Variants in OR51B4 observed in about 807,000 individuals in gnomAD.
OR51B4 encodes the protein olfactory receptor family 51 subfamily B member 4.
For missense variants in OR51B4, 402 were observed against 379.8 expected, an observed-to-expected ratio of 1.06 and a Z score of -0.49; for synonymous variants, 147 against 140.8, an observed-to-expected ratio of 1.04 and a Z score of -0.31.
chr11:5,301,374 A>C lies in OR51B4; in HGVS notation c.573T>G (p.Phe191Leu), dbSNP rs765205840. 3.1e-6 allele frequency: 5 copies of C among 1,613,994 alleles called. No homozygotes were observed. Among genetic ancestry groups the C allele is most frequent in the Non-Finnish European group, 4.2e-6 (5 of 1,179,996 alleles). ...VIKLACADIT[F>L]NHIYPIIQTS... is the part of the protein sequence containing the mutation. ...TCTGAATAATTGGATATATGTGATT[A>C]AACGTGATATCAGCACAGGCGAGTT... is the stretch of plus-strand genomic sequence containing the variant. The change falls in exon 1 of 1, where the codon TTT (phenylalanine) becomes TTG (leucine). Residue 191 changes from phenylalanine to leucine, a missense_variant. Physicochemically the swap from Phe to Leu is conservative, Grantham distance 22. Transcript: ENST00000380224.
rs1264616803 is a variant in OR51B4, at chr11:5,301,169, TG to T, written c.777del (p.His259GlnfsTer15). On this transcript the variant is annotated frameshift_variant, in exon 1 of 1. Transcript: ENST00000380224. LOFTEE classifies it low-confidence loss of function (END_TRUNC). ...ACATGAGGTGCATGTTTCCCAAACCTGTGAATGAATGACAGTCCCATCACAG... is the reference window on the plus strand; with the variant it reads ...ACATGAGGTGCATGTTTCCCAAACCTTGAATGAATGACAGTCCCATCACAG... ...HITVMGLSFI[H>X]RFGKHAPHVV... The T allele has an allele frequency of 6.2e-7, 1 of 1,614,088 alleles. No individual in the cohort carries two copies. Among genetic ancestry groups the T allele is most frequent in the East Asian group, 2.2e-5 (1 of 44,874 alleles).
chr11:5,301,436 G>A lies in OR51B4; in HGVS notation c.511C>T (p.Leu171Phe), dbSNP rs781087310. Residue 171 changes from leucine (L) to phenylalanine (F), a missense_variant, in exon 1 of 1, where the codon CTC (leucine) becomes TTC (phenylalanine). Coordinates refer to ENST00000380224, the MANE Select transcript of OR51B4 (RefSeq NM_033179.2). ...YCYPYCGSRA[L>F]LHTFCLHQDV... ...TGATGGAGGCAAAATGTGTGCAAGA[G>A]GGCACGGGAACCACAATATGGGTAG... 1.2e-6 allele frequency: 2 copies of A among 1,614,172 alleles called. No individual in the cohort carries two copies. Among genetic ancestry groups the A allele is most frequent in the African/African-American group, 1.3e-5 (1 of 75,028 alleles).
Position 5,301,864 on chromosome 11 carries a change from G to C in OR51B4, c.83C>G (p.Ser28Cys). 1 of 1,613,182 alleles carries C rather than the reference G, an allele frequency of 6.2e-7. No individual in the cohort carries two copies. The highest frequency in any genetic ancestry group is 8.5e-7 in the Non-Finnish European group (1 of 1,179,544). Residue 28 changes from serine to cysteine, a missense_variant, in exon 1 of 1, where the codon TCC becomes TGC. Physicochemically the swap from Ser to Cys is moderately radical, Grantham distance 112. Transcript: ENST00000380224. ...GACGGAGAAGTAGATGACAAAGAAG[G>C]ACATAGAGATCCGGTAGTGAACTGC... is the stretch of plus-strand genomic sequence containing the variant. ...SEAVHYRISM[S>C]FFVIYFSVLF... is the part of the protein sequence containing the mutation.
rs747984800 is a variant in OR51B4, at chr11:5,301,437, G to A, written c.510C>T (p.Ala170=). 5 of 1,614,038 alleles carry A rather than the reference G, an allele frequency of 3.1e-6. No homozygotes were observed. The Admixed American group carries it at 6.7e-5, about 22-fold the overall frequency. The change falls in exon 1 of 1, where the codon GCC becomes GCT. Residue 170 remains alanine, a synonymous_variant. Coordinates refer to ENST00000380224, the MANE Select transcript of OR51B4 (RefSeq NM_033179.2). ...GATGGAGGCAAAATGTGTGCAAGAG[G>A]GCACGGGAACCACAATATGGGTAGC... is the stretch of plus-strand genomic sequence containing the variant. ...LYCYPYCGSR[A]LLHTFCLHQD...
At position 5,301,468 on chromosome 11, in the gene OR51B4, A is replaced by C. The variant is rs767753297; in HGVS notation, c.479T>G (p.Leu160Arg). The change falls in exon 1 of 1, where the codon CTC becomes CGC. Residue 160 changes from leucine to arginine, a missense_variant. Coordinates refer to ENST00000380224, the MANE Select transcript of OR51B4 (RefSeq NM_033179.2). ...GGAACCACAATATGGGTAGCAGTAG[A>C]GTGAAAGAATTATGGGCAAAATGGA... Reference protein sequence around the residue: ...FMSILPIILSLYCYPYCGSRA... With the variant: ...FMSILPIILSRYCYPYCGSRA... 2 of 1,614,222 alleles carry C rather than the reference A, an allele frequency of 1.2e-6. No homozygotes were observed. The highest frequency in any genetic ancestry group is 4.5e-5 in the East Asian group (2 of 44,880).
At position 5,301,253 on chromosome 11, in the gene OR51B4, C is replaced by T. The variant is rs747489830; in HGVS notation, c.694G>A (p.Ala232Thr). 3.7e-5 allele frequency: 60 copies of T among 1,613,918 alleles called. No individual in the cohort carries two copies. The highest frequency in any genetic ancestry group is 4.7e-5 in the Non-Finnish European group (56 of 1,179,894). Residue 232 changes from alanine to threonine, a missense_variant, in exon 1 of 1, where the codon GCT (alanine) becomes ACT (threonine). Physicochemically the swap from Ala to Thr is moderately conservative, Grantham distance 58 (BLOSUM62 0). Transcript: ENST00000380224. ...GAGACACAAGTGTTGAGAGATTTAGCTTCCTCTTGTCCAGACGCAATGCCC... is the reference window on the plus strand; with the variant it reads ...GAGACACAAGTGTTGAGAGATTTAGTTTCCTCTTGTCCAGACGCAATGCCC... ...VMGIASGQEE[A>T]KSLNTCVSHI...
In OR51B4 at chr11:5,301,259, C is replaced by T; in HGVS notation, c.688G>A (p.Glu230Lys). The stretch of plus-strand genomic sequence containing the variant: ...CAAGTGTTGAGAGATTTAGCTTCCT[C>T]TTGTCCAGACGCAATGCCCATCACT... ...KTVMGIASGQ[E>K]EAKSLNTCVS... The change falls in exon 1 of 1, where the codon GAG becomes AAG. Residue 230 changes from glutamate (E) to lysine (K), a missense_variant. Transcript: ENST00000380224. The T allele has an allele frequency of 2.5e-6, 4 of 1,613,974 alleles. No homozygotes were observed. The highest frequency in any genetic ancestry group is 1.1e-5 in the South Asian group (1 of 91,076).
chr11:5,301,486 A>C lies in OR51B4; in HGVS notation c.461T>G (p.Leu154Trp). The C allele has an allele frequency of 1.2e-6, 2 of 1,614,194 alleles. No homozygotes were observed. The highest frequency in any genetic ancestry group is 1.7e-6 in the Non-Finnish European group (2 of 1,180,022). The change falls in exon 1 of 1, where the codon TTG becomes TGG. Residue 154 changes from leucine (L) to tryptophan (W), a missense_variant. Coordinates refer to ENST00000380224, the MANE Select transcript of OR51B4 (RefSeq NM_033179.2). ...GCAGTAGAGTGAAAGAATTATGGGC[A>C]AAATGGACATAAAACCTCTCATCAG... ...GVLMRGFMSILPIILSLYCYP... is the reference protein window; with the variant it reads ...GVLMRGFMSIWPIILSLYCYP...
chr11:5,301,159 T>G lies in OR51B4; in HGVS notation c.788A>C (p.Lys263Thr), dbSNP rs1466510399. The change falls in exon 1 of 1, where the codon AAA becomes ACA. Residue 263 changes from lysine (K) to threonine (T), a missense_variant. Lys to Thr is a moderately conservative substitution (Grantham distance 78). Coordinates refer to ENST00000380224, the MANE Select transcript of OR51B4 (RefSeq NM_033179.2). Reference sequence around the variant, plus strand: ...AATGGGGACCACATGAGGTGCATGTTTCCCAAACCTGTGAATGAATGACAG... The same window carrying G: ...AATGGGGACCACATGAGGTGCATGTGTCCCAAACCTGTGAATGAATGACAG... ...MGLSFIHRFG[K>T]HAPHVVPITM... The G allele has an allele frequency of 1.9e-6, 3 of 1,613,992 alleles. No homozygotes were observed. Among genetic ancestry groups the G allele is most frequent in the Non-Finnish European group, 2.5e-6 (3 of 1,180,006 alleles).
In OR51B4 at chr11:5,301,386, A is replaced by T. The variant is rs548532565; in HGVS notation, c.561T>A (p.Ala187=). The T allele has an allele frequency of 6.2e-7, 1 of 1,614,164 alleles. No homozygotes were observed. The highest frequency in any genetic ancestry group is 1.1e-5 in the South Asian group (1 of 91,078). The change falls in exon 1 of 1, where the codon GCT becomes GCA. Residue 187 remains alanine (A), a synonymous_variant. Coordinates refer to ENST00000380224, the MANE Select transcript of OR51B4 (RefSeq NM_033179.2). ...LHQDVIKLAC[A]DITFNHIYPI... The stretch of plus-strand genomic sequence containing the variant: ...GATATATGTGATTAAACGTGATATC[A>T]GCACAGGCGAGTTTTATGACATCTT...
chr11:5,301,142 C>A lies in OR51B4; in HGVS notation c.805G>T (p.Val269Phe), dbSNP rs779292312. 2 of 1,613,584 alleles carry A rather than the reference C, an allele frequency of 1.2e-6. No homozygotes were observed. The highest frequency in any genetic ancestry group is 1.7e-6 in the Non-Finnish European group (2 of 1,179,590). The change falls in exon 1 of 1, where the codon GTC (valine) becomes TTC (phenylalanine). Residue 269 changes from valine to phenylalanine, a missense_variant. Coordinates refer to ENST00000380224, the MANE Select transcript of OR51B4 (RefSeq NM_033179.2). ...TGGACATAGCTCATGGTAATGGGGACCACATGAGGTGCATGTTTCCCAAAC... is the reference window on the plus strand; with the variant it reads ...TGGACATAGCTCATGGTAATGGGGAACACATGAGGTGCATGTTTCCCAAAC... ...HRFGKHAPHV[V>F]PITMSYVHFL...
At position 5,301,646 on chromosome 11, in the gene OR51B4, T is replaced by C; in HGVS notation, c.301A>G (p.Ile101Val). ...GATTCTACAATGGCCAGTGAATGAA[T>C]GAAGGATTGGGTGAAACAGGCAGCA... The part of the protein sequence containing the change: ...AHAACFTQSF[I>V]HSLAIVESGI... The change falls in exon 1 of 1, where the codon ATT (isoleucine) becomes GTT (valine). Residue 101 changes from isoleucine to valine, a missense_variant. Transcript: ENST00000380224. 1 of 1,614,116 alleles carries C rather than the reference T, an allele frequency of 6.2e-7. No homozygotes were observed. Among genetic ancestry groups the C allele is most frequent in the Non-Finnish European group, 8.5e-7 (1 of 1,180,012 alleles).
rs1219115358 is a variant in OR51B4, at chr11:5,301,367, T to C, written c.580A>G (p.Ile194Val). 1 of 1,614,110 alleles carries C rather than the reference T, an allele frequency of 6.2e-7. No individual in the cohort carries two copies. The highest frequency in any genetic ancestry group is 8.5e-7 in the Non-Finnish European group (1 of 1,179,970). Residue 194 changes from isoleucine to valine, a missense_variant, in exon 1 of 1, where the codon ATA becomes GTA. Transcript: ENST00000380224. ...LACADITFNH[I>V]YPIIQTSLTV... is the part of the protein sequence containing the mutation. ...AAAGAAGTCTGAATAATTGGATATA[T>C]GTGATTAAACGTGATATCAGCACAG... is the stretch of plus-strand genomic sequence containing the variant.
rs1222380837 is a variant in OR51B4, at chr11:5,301,580, T to C, written c.367A>G (p.Ile123Val). Residue 123 changes from isoleucine to valine, a missense_variant, in exon 1 of 1, where the codon ATC becomes GTC. Coordinates refer to ENST00000380224, the MANE Select transcript of OR51B4 (RefSeq NM_033179.2). The part of the protein sequence containing the change: ...LVLAYDCFIA[I>V]RTPLRYNCIL... Reference sequence around the variant, plus strand: ...CAGTTGTACCTCAGTGGTGTGCGGATGGCAATGAAACAGTCATAGGCCAAA... The same window carrying C: ...CAGTTGTACCTCAGTGGTGTGCGGACGGCAATGAAACAGTCATAGGCCAAA... 1 of 1,614,164 alleles carries C rather than the reference T, an allele frequency of 6.2e-7. No homozygotes were observed. Among genetic ancestry groups the C allele is most frequent in the East Asian group, 2.2e-5 (1 of 44,872 alleles).
At position 5,301,141 on chromosome 11, in the gene OR51B4, A is replaced by T. The variant is rs757470124; in HGVS notation, c.806T>A (p.Val269Asp). The change falls in exon 1 of 1, where the codon GTC becomes GAC. Residue 269 changes from valine to aspartate, a missense_variant. By Grantham distance (152) the Val-to-Asp change is radical (BLOSUM62 -3). Coordinates refer to ENST00000380224, the MANE Select transcript of OR51B4 (RefSeq NM_033179.2). ...ATGGACATAGCTCATGGTAATGGGG[A>T]CCACATGAGGTGCATGTTTCCCAAA... ...HRFGKHAPHV[V>D]PITMSYVHFL... 2.5e-6 allele frequency: 4 copies of T among 1,613,712 alleles called. No homozygotes were observed. Among genetic ancestry groups the T allele is most frequent in the Non-Finnish European group, 3.4e-6 (4 of 1,179,638 alleles).
rs778153314 is a variant in OR51B4 at position 5,301,066 on chromosome 11, T to G, written c.881A>C (p.Lys294Thr). The stretch of plus-strand genomic sequence containing the variant: ...GCGAATAATGCTTCTTTGAATCTGC[T>G]TGGTCTTGATGCTATAAATGATAGG... ...VNPIIYSIKT[K>T]QIQRSIIRLF... Residue 294 changes from lysine (K) to threonine (T), a missense_variant, in exon 1 of 1, where the codon AAG (lysine) becomes ACG (threonine). Coordinates refer to ENST00000380224, the MANE Select transcript of OR51B4 (RefSeq NM_033179.2). The G allele has an allele frequency of 2.5e-6, 4 of 1,613,242 alleles. No individual in the cohort carries two copies. The highest frequency in any genetic ancestry group is 2.2e-5 in the South Asian group (2 of 90,876).
chr11:5,301,593 G>T lies in OR51B4; in HGVS notation c.354C>A (p.Asp118Glu), dbSNP rs752348542. Reference protein sequence around the residue: ...ESGILLVLAYDCFIAIRTPLR... With the variant: ...ESGILLVLAYECFIAIRTPLR... Reference sequence around the variant, plus strand: ...GTGGTGTGCGGATGGCAATGAAACAGTCATAGGCCAAAACAAGCAAGATAC... The same window carrying T: ...GTGGTGTGCGGATGGCAATGAAACATTCATAGGCCAAAACAAGCAAGATAC... The change falls in exon 1 of 1, where the codon GAC (aspartate) becomes GAA (glutamate). Residue 118 changes from aspartate to glutamate, a missense_variant. Coordinates refer to ENST00000380224, the MANE Select transcript of OR51B4 (RefSeq NM_033179.2). The T allele has an allele frequency of 3.1e-6, 5 of 1,614,160 alleles. No individual in the cohort carries two copies. The South Asian group carries it at 5.5e-5, about 18-fold the overall frequency.
In OR51B4 at chr11:5,301,211, G is replaced by C; in HGVS notation, c.736C>G (p.Leu246Val). 1 of 1,613,994 alleles carries C rather than the reference G, an allele frequency of 6.2e-7. No individual in the cohort carries two copies. Among genetic ancestry groups the C allele is most frequent in the Non-Finnish European group, 8.5e-7 (1 of 1,179,976 alleles). ...NTCVSHISCVLVFHITVMGLS... is the reference protein window; with the variant it reads ...NTCVSHISCVVVFHITVMGLS... ...CCCATCACAGTGATGTGAAATACTAGGACACAGCTAATATGGGAGACACAA... is the reference window on the plus strand; with the variant it reads ...CCCATCACAGTGATGTGAAATACTACGACACAGCTAATATGGGAGACACAA... Residue 246 changes from leucine (L) to valine (V), a missense_variant, in exon 1 of 1, where the codon CTA (leucine) becomes GTA (valine). Leu to Val is a conservative substitution (Grantham distance 32). Transcript: ENST00000380224.
rs779187046 is a variant in OR51B4, at chr11:5,301,082, A to C, written c.865T>G (p.Tyr289Asp). Reference sequence around the variant, plus strand: ...TGAATCTGCTTGGTCTTGATGCTATAAATGATAGGATTCACGAATGGAGGA... The same window carrying C: ...TGAATCTGCTTGGTCTTGATGCTATCAATGATAGGATTCACGAATGGAGGA... The part of the protein sequence containing the change: ...LFPPFVNPII[Y>D]SIKTKQIQRS... Residue 289 changes from tyrosine to aspartate, a missense_variant, in exon 1 of 1, where the codon TAT becomes GAT. Tyr to Asp is a radical substitution (Grantham distance 160). Transcript: ENST00000380224. 11 of 1,613,834 alleles carry C rather than the reference A, an allele frequency of 6.8e-6. No homozygotes were observed. The highest frequency in any genetic ancestry group is 6.7e-5 in the African/African-American group (5 of 74,890).
Sources: allele counts gnomAD v4.1 joint callset, GRCh38; gene constraint gnomAD v4.1.1; transcripts MANE v1.5; gene names NCBI Gene and HGNC (gene_info 2026-07-23, HGNC 2026-07-21).